The following POTEF variants were observed in gnomAD, a reference collection of about 807,000 sequenced individuals.
POTEF encodes the protein ANKRD26-like family C member 1B.
In POTEF, 20 loss-of-function variants were observed where a neutral mutation model predicts 83.2. The observed-to-expected ratio is 0.24, with a 90% CI of 0.17 to 0.35. POTEF has a LOEUF of 0.35. Among genes scored for constraint, POTEF ranks in the 10% least tolerant of loss-of-function variants. The pLI, the probability that POTEF is intolerant of heterozygous loss-of-function variation, is 1.00. For synonymous variants in POTEF, 196 were observed against 446.4 expected, an observed-to-expected ratio of 0.44 and a Z score of 7.07; for missense variants, 550 against 1,203.2, an observed-to-expected ratio of 0.46 and a Z score of 8.03.
Position 130,119,219 on chromosome 2 carries a change from A to G in POTEF, c.521+776T>C, listed in dbSNP as rs13406164. ...CGCTCTGTTGCCCAGGCTGGAGTGC[A>G]GTGGCACTATCTCGGCTCACTGCAA... On this transcript the variant is annotated intron_variant, in intron 3 of 16. Transcript: ENST00000409914. Among the ~76,000 whole-genome samples, 514 of 149,582 alleles carry G rather than the reference A, an allele frequency of 3.4e-3. 7 individuals carry two copies. The highest frequency in any genetic ancestry group is 0.013 in the South Asian group (64 of 4,742).
chr2:130,076,933 C>T (rs1410450265), intron 16 of POTEF, 148 bp downstream of exon 16: 3 of 436,832 alleles, frequency 6.9e-6, no homozygotes, highest in Non-Finnish European at 8.0e-6. Flanking sequence ...TGGCTTTATC[C>T]TATACGTACG....
intron 15 of POTEF, among the ~76,000 whole-genome samples, chr2:130,083,589 GA>G (rs556141504): frequency 8.0e-6 from 1 of 125,258 alleles, no homozygotes; most frequent in Non-Finnish European, 1.6e-5. Flanking sequence ...ATTTAGTACA[GA>G]AAAAAATTAG....
intron 8 of POTEF, among the ~76,000 whole-genome samples, chr2:130,104,660 C>G (rs1260161661): frequency 6.6e-6 from 1 of 151,574 alleles, no homozygotes; most frequent in African/African-American, 2.4e-5. Context: ...ACGCTCCTTG[C>G]TCGCTCTTTT....
Position 130,110,555 on chromosome 2 carries a change from C to A in POTEF, c.1043G>T (p.Ser348Ile). Reference sequence around the variant, plus strand: ...TGTAAACACTTACACATGATGATGACTAGAAACAGCATACTCTCTGGCCGT... The same window carrying A: ...TGTAAACACTTACACATGATGATGAATAGAAACAGCATACTCTCTGGCCGT... ...GQTAREYAVS[S>I]HHHVICQLLS... is the part of the protein sequence containing the mutation. The change falls in exon 7 of 17, where the codon AGT becomes ATT. Residue 348 changes from serine to isoleucine, a missense_variant. Ser to Ile is a moderately radical substitution (Grantham distance 142, BLOSUM62 -2). Transcript: ENST00000409914. 6.7e-7 allele frequency: 1 copy of A among 1,499,708 alleles called. No homozygotes were observed. Among genetic ancestry groups the A allele is most frequent in the Non-Finnish European group, 8.9e-7 (1 of 1,123,242 alleles). The allele number at this position is 1,499,708 out of a possible 1,614,324, so 92.9% of individuals were successfully genotyped here. A position where few individuals can be genotyped will look rare whatever the true frequency, so the allele number is the denominator to read the frequency against.
At chr2:130,121,102 G>A (rs1684991908) in intron 2 of POTEF, among the ~76,000 whole-genome samples, 1 of 151,894 alleles carries the variant, frequency 6.6e-6, no homozygotes, top group Non-Finnish European at 1.5e-5. Context: ...CAGCCAAGCT[G>A]CTGCCGGGCG....
At chr2:130,089,095 CTTTG>C (rs1684074123) in intron 12 of POTEF, among the ~76,000 whole-genome samples, 2 of 106,838 alleles carry the variant, frequency 1.9e-5, no homozygotes, top group African/African-American at 3.7e-5. Flanking sequence ...TAAAAACAGT[CTTTG>C]TTTTACTCAG....
At chr2:130,125,581 A>T (rs1397708451) in intron 2 of POTEF, among the ~76,000 whole-genome samples, 6 of 151,058 alleles carry the variant, frequency 4.0e-5, no homozygotes, top group Non-Finnish European at 7.4e-5. Flanking sequence ...GGAATAAAAG[A>T]GGGCTCGACA....
At chr2:130,080,584 C>CA (rs761595718) in intron 15 of POTEF, among the ~76,000 whole-genome samples, 6 of 8,914 alleles carry the variant, frequency 6.7e-4, no homozygotes, top group African/African-American at 3.0e-3. Flanking sequence ...GATGATGTAT[C>CA]AAAAAAAAAA....
chr2:130,121,052 G>T (rs1296066113), intron 2 of POTEF, among the ~76,000 whole-genome samples: 1 of 151,000 alleles, frequency 6.6e-6, no homozygotes, highest in Admixed American at 6.6e-5. Flanking sequence ...CGGCCAAACC[G>T]TTATGCGCGT....
chr2:130,101,408 A>T (rs1684369763), intron 9 of POTEF, among the ~76,000 whole-genome samples: 1 of 148,990 alleles, frequency 6.7e-6, no homozygotes. Flanking sequence ...CTGCAACTGA[A>T]ATAAATTAGA....
intron 3 of POTEF, among the ~76,000 whole-genome samples, chr2:130,115,623 A>G (rs1684827633): frequency 6.6e-6 from 1 of 152,184 alleles, no homozygotes; most frequent in East Asian, 1.9e-4. Context: ...TTGGGGTCTC[A>G]GTTTCCTCAT....
chr2:130,094,989 T>C (rs1404161173), intron 11 of POTEF, among the ~76,000 whole-genome samples: 1 of 151,880 alleles, frequency 6.6e-6, no homozygotes, highest in East Asian at 1.9e-4. Flanking sequence ...TGCAGACAAT[T>C]ACCAGGCAAA....
intron 7 of POTEF, among the ~76,000 whole-genome samples, 161 bp from the exon 8 acceptor site, chr2:130,108,240 T>C (rs897823574): frequency 1.5e-4 from 23 of 151,270 alleles, no homozygotes; most frequent in Non-Finnish European, 2.5e-4. Flanking sequence ...AACTTCTCTT[T>C]AAGCTTCTAA....
intron 3 of POTEF, among the ~76,000 whole-genome samples, chr2:130,118,030 T>C (rs1459288405): frequency 1.3e-5 from 2 of 150,622 alleles, no homozygotes; most frequent in Admixed American, 1.3e-4. Context: ...AACCTCCACC[T>C]CCCTGGTTCA....
Position 130,076,839 on chromosome 2 carries a change from T to C in POTEF, c.1899+242A>G, listed in dbSNP as rs2261466. Among the ~76,000 whole-genome samples, 8 of 151,288 alleles carry C rather than the reference T, an allele frequency of 5.3e-5. No homozygotes were observed. In the South Asian group the frequency reaches 8.3e-4, roughly 16 times the overall value. Reference sequence around the variant, plus strand: ...AAAGATCATCAATTCTTATGAAAAATATCAAATACTTCTCCTTTGGATTGA... The same window carrying C: ...AAAGATCATCAATTCTTATGAAAAACATCAAATACTTCTCCTTTGGATTGA... On this transcript the variant is annotated intron_variant, in intron 16 of 16. Coordinates refer to ENST00000409914, the MANE Select transcript of POTEF (RefSeq NM_001099771.2).
chr2:130,107,465 C>G (rs998716212), intron 8 of POTEF, among the ~76,000 whole-genome samples: 3 of 151,134 alleles, frequency 2.0e-5, no homozygotes, highest in Admixed American at 6.6e-5. Flanking sequence ...GGGTCCTCAA[C>G]TCCCAGGCCA....
Position 130,120,594 on chromosome 2 carries a change from C to T in POTEF, c.-79G>A. The stretch of plus-strand genomic sequence containing the variant: ...ACCAGTTTCACCAACTAGCAGGTAA[C>T]TCCGGGTTTCCAATCTGTTTGAAGA... On this transcript the variant is annotated 5_prime_UTR_variant, in exon 3 of 17. Coordinates refer to ENST00000409914, the MANE Select transcript of POTEF (RefSeq NM_001099771.2). The T allele has an allele frequency of 6.3e-7, 1 of 1,598,460 alleles. No homozygotes were observed. Among genetic ancestry groups the T allele is most frequent in the Non-Finnish European group, 8.5e-7 (1 of 1,172,260 alleles).
chr2:130,115,855 T>C (rs1315028002), intron 3 of POTEF, among the ~76,000 whole-genome samples: 2 of 152,098 alleles, frequency 1.3e-5, no homozygotes, highest in Admixed American at 6.5e-5. Context: ...ACAGCTAACA[T>C]TGTATTTTAG....
chr2:130,114,740 T>A lies in POTEF; in HGVS notation c.810+141A>T, dbSNP rs2104820668. On this transcript the variant is annotated intron_variant, in intron 5 of 16. Coordinates refer to ENST00000409914, the MANE Select transcript of POTEF (RefSeq NM_001099771.2). ...GAAAGTAACAATATTTAAAATGAAGTCTTAGATAATTAGGTCATTTCAAAA... is the reference window on the plus strand; with the variant it reads ...GAAAGTAACAATATTTAAAATGAAGACTTAGATAATTAGGTCATTTCAAAA... The A allele has an allele frequency of 3.1e-6, 4 of 1,281,820 alleles. No homozygotes were observed. The South Asian group carries it at 6.2e-5, about 20-fold the overall frequency. 79.4% of individuals were successfully genotyped at this position (1,281,820 alleles called of 1,614,324 possible). A position where few individuals can be genotyped will look rare whatever the true frequency, so the allele number is the denominator to read the frequency against.
Sources: gnomAD v4.1 joint callset for allele counts (sites outside exome capture counted in the v4.1 genomes callset) on GRCh38, gnomAD v4.1.1 for gene constraint, MANE v1.5 for transcripts, NCBI Gene and HGNC (gene_info 2026-07-23, HGNC 2026-07-21) for gene names.